The following FBXW8 variants were observed in gnomAD, a reference collection of about 807,000 sequenced individuals.
The protein encoded by FBXW8 is F-box and WD repeat domain containing 8, also known as F-box/WD repeat-containing protein 8.
Under a neutral mutation model 65.3 loss-of-function variants are expected in FBXW8, and 57 were observed. The observed-to-expected ratio is 0.87, with a 90% confidence interval of 0.71 to 1.09. The LOEUF (loss-of-function observed/expected upper bound fraction) is 1.09. Ranked by LOEUF, FBXW8 falls within the 50% of genes least tolerant of loss-of-function variation. The pLI is 0.00. For synonymous variants in FBXW8, 308 were observed against 330.2 expected (o/e 0.93, Z 0.73); for missense variants, 777 against 814.8 (o/e 0.95, Z 0.57).
intron 1 of FBXW8, among the ~76,000 whole-genome samples, chr12:116,911,979 G>A (rs1879982364): frequency 6.6e-6 from 1 of 152,100 alleles, no homozygotes; most frequent in Non-Finnish European, 1.5e-5. Context: ...GGAGAATCTG[G>A]AGGAAGCTGG....
At position 117,024,322 on chromosome 12, in the gene FBXW8, T is replaced by C; in HGVS notation, c.1541+2T>C. The C allele has an allele frequency of 1.2e-6, 2 of 1,614,008 alleles. No homozygotes were observed. The highest frequency in any genetic ancestry group is 1.7e-6 in the Non-Finnish European group (2 of 1,179,934). On this transcript the variant is annotated splice_donor_variant, in intron 9 of 10. Coordinates refer to ENST00000652555, the MANE Select transcript of FBXW8 (RefSeq NM_153348.3). LOFTEE classifies it high-confidence loss of function. ...GAAGCTGTGGGAGGTGTATTCCGGGTAAGGTGCATTCTAGACACTCTTGGG... is the reference window on the plus strand; with the variant it reads ...GAAGCTGTGGGAGGTGTATTCCGGGCAAGGTGCATTCTAGACACTCTTGGG...
rs780533305 is a variant in FBXW8, at chr12:116,985,349, C to G, written c.979C>G (p.Pro327Ala). ...ASAFDVVMLS[P>A]NEEGYWQIAA... ...TGCTTTTGATGTCGTGATGTTATCCCCCAATGAGGAGGGGTACTGGCAGAT... is the reference window on the plus strand; with the variant it reads ...TGCTTTTGATGTCGTGATGTTATCCGCCAATGAGGAGGGGTACTGGCAGAT... The change falls in exon 6 of 11, where the codon CCC becomes GCC. Residue 327 changes from proline (P) to alanine (A), a missense_variant. By Grantham distance (27) the Pro-to-Ala change is conservative. Transcript: ENST00000652555. 5 of 1,614,144 alleles carry G rather than the reference C, an allele frequency of 3.1e-6. No homozygotes were observed. The highest frequency in any genetic ancestry group is 4.2e-6 in the Non-Finnish European group (5 of 1,180,018).
chr12:116,969,691 C>T (rs1884536010), intron 5 of FBXW8, among the ~76,000 whole-genome samples: 1 of 150,834 alleles, frequency 6.6e-6, no homozygotes, highest in South Asian at 2.1e-4. Context: ...CATTGAAACG[C>T]CCTCGCTGGT....
At chr12:116,928,413 T>C (rs1436681627) in intron 2 of FBXW8, among the ~76,000 whole-genome samples, 2 of 152,184 alleles carry the variant, frequency 1.3e-5, no homozygotes, top group African/African-American at 4.8e-5. Flanking sequence ...GTGCTAAGCC[T>C]TTATTGAGCT....
intron 7 of FBXW8, among the ~76,000 whole-genome samples, chr12:117,004,286 T>C (rs2135701597): frequency 6.6e-6 from 1 of 152,374 alleles, no homozygotes; most frequent in South Asian, 2.1e-4. Context: ...TCTGTAAACA[T>C]TTTCAGCATG....
chr12:116,972,830 G>A lies in FBXW8; in HGVS notation c.835+7976G>A, dbSNP rs75472918. On this transcript the variant is annotated intron_variant, in intron 5 of 10. Transcript: ENST00000652555. ...GTATGTCGTATGTATATATGTTTATGTGTGTCCTGGCTTTGTTTGCTGAGA... is the reference window on the plus strand; with the variant it reads ...GTATGTCGTATGTATATATGTTTATATGTGTCCTGGCTTTGTTTGCTGAGA... Among the ~76,000 whole-genome samples the A allele has an allele frequency of 3.7e-3, 565 of 152,310 alleles. 3 individuals carry two copies. The highest frequency in any genetic ancestry group is 0.012 in the African/African-American group (489 of 41,560).
chr12:116,967,845 C>T (rs886271980), intron 5 of FBXW8, among the ~76,000 whole-genome samples: 7 of 152,212 alleles, frequency 4.6e-5, no homozygotes, highest in African/African-American at 1.7e-4. Context: ...CGACTCACTA[C>T]AACCTCCGTC....
intron 7 of FBXW8, among the ~76,000 whole-genome samples, chr12:116,992,910 A>G (rs1953281921): frequency 6.6e-6 from 1 of 151,830 alleles, no homozygotes; most frequent in Non-Finnish European, 1.5e-5. Context: ...TTTTTTATAC[A>G]GTGACTTCTT....
rs1883124610 is a variant in FBXW8 at position 116,949,376 on chromosome 12, A to G, written c.589-242A>G. On this transcript the variant is annotated intron_variant, in intron 3 of 10. Coordinates refer to ENST00000652555, the MANE Select transcript of FBXW8 (RefSeq NM_153348.3). The stretch of plus-strand genomic sequence containing the variant: ...CTGTAACCTCCTGGAGGATGGGGCA[A>G]TGTCTCACACGTCCTGTGTCCTCGA... 7.7e-6 allele frequency: 4 copies of G among 520,528 alleles called. No homozygotes were observed. In the East Asian group the frequency reaches 9.9e-5, roughly 13 times the overall value. 32.2% of individuals were successfully genotyped at this position (520,528 alleles called of 1,614,324 possible).
chr12:116,927,941 C>A, intron 1 of FBXW8, 82 bp from the exon 2 acceptor site: 1 of 789,080 alleles, frequency 1.3e-6, no homozygotes, highest in Non-Finnish European at 2.1e-6. Context: ...AAGAATATCT[C>A]TGGTCATTTA....
chr12:117,003,217 G>A (rs976976136), intron 7 of FBXW8: 6 of 152,188 alleles, frequency 3.9e-5, no homozygotes, highest in South Asian at 2.1e-4. Flanking sequence ...CATAGCAGTC[G>A]CCTGTAAGGG....
intron 8 of FBXW8, among the ~76,000 whole-genome samples, chr12:117,013,615 TAAA>T (rs911570217): frequency 6.6e-6 from 1 of 151,840 alleles, no homozygotes; most frequent in South Asian, 2.1e-4. Flanking sequence ...AGATGTATAT[TAAA>T]AAAAAATTTT....
chr12:116,964,751 C>G lies in FBXW8; in HGVS notation c.732C>G (p.Ala244=). 6.2e-7 allele frequency: 1 copy of G among 1,613,666 alleles called. No individual in the cohort carries two copies. Among genetic ancestry groups the G allele is most frequent in the Non-Finnish European group, 8.5e-7 (1 of 1,180,018 alleles). The change falls in exon 5 of 11, where the codon GCC becomes GCG. Residue 244 remains alanine, a synonymous_variant. Coordinates refer to ENST00000652555, the MANE Select transcript of FBXW8 (RefSeq NM_153348.3). Reference sequence around the variant, plus strand: ...ACACCCGCACCTGGGACTACGTAGCCCCCTTCCTGGAATCAGAGGACGAGG... The same window carrying G: ...ACACCCGCACCTGGGACTACGTAGCGCCCTTCCTGGAATCAGAGGACGAGG... ...VWDTRTWDYV[A]PFLESEDEED... is the part of the protein sequence containing the mutation.
At chr12:116,938,835 G>A (rs777014785) in intron 2 of FBXW8, among the ~76,000 whole-genome samples, 2 of 152,196 alleles carry the variant, frequency 1.3e-5, no homozygotes, top group African/African-American at 2.4e-5. Flanking sequence ...TTTGGGGCCA[G>A]TCTTGTGATC....
rs1043377781 is a variant in FBXW8, at chr12:116,936,453, G to A, written c.423+8326G>A. ...ATTAGGTTAAGGATCTAGAGATGGG[G>A]TGATTATCTTGGATTATACAGGTGG... On this transcript the variant is annotated intron_variant, in intron 2 of 10. Transcript: ENST00000652555. The surrounding 1 kb of genome is among the most constrained non-coding windows in gnomAD (Gnocchi z 4.6). Among the ~76,000 whole-genome samples the A allele has an allele frequency of 6.6e-6, 1 of 152,158 alleles. No individual in the cohort carries two copies.
chr12:117,021,344 A>AT (rs1954089135), intron 8 of FBXW8, among the ~76,000 whole-genome samples: 1 of 152,230 alleles, frequency 6.6e-6, no homozygotes, highest in African/African-American at 2.4e-5. Flanking sequence ...GGCATTTATT[A>AT]TAAGACATTA....
chr12:116,921,095 G>A (rs1000798356), intron 1 of FBXW8, among the ~76,000 whole-genome samples: 1 of 152,166 alleles, frequency 6.6e-6, no homozygotes, highest in Non-Finnish European at 1.5e-5. Flanking sequence ...CTTTAGATTG[G>A]CATCTTCTAC....
intron 8 of FBXW8, among the ~76,000 whole-genome samples, chr12:117,017,193 C>T (rs1335465932): frequency 6.6e-6 from 1 of 152,192 alleles, no homozygotes; most frequent in Non-Finnish European, 1.5e-5. Flanking sequence ...AACTTGGGAC[C>T]ATGTGCCCTT....
chr12:117,019,145 C>T (rs1954028838), intron 8 of FBXW8, among the ~76,000 whole-genome samples: 1 of 152,194 alleles, frequency 6.6e-6, no homozygotes, highest in African/African-American at 2.4e-5. Context: ...TTCAAGCTCT[C>T]TCTGCATCTT....
Sources: allele counts gnomAD v4.1 joint callset (sites outside exome capture counted in the v4.1 genomes callset), GRCh38; gene constraint gnomAD v4.1.1; non-coding constraint Gnocchi (gnomAD v3.1); transcripts MANE v1.5; gene names NCBI Gene and HGNC (gene_info 2026-07-23, HGNC 2026-07-21).